ZNF701: variants seen among roughly 807,000 people sequenced by gnomAD.
The protein encoded by ZNF701 is zinc finger protein 701.
Under a neutral mutation model 7.1 loss-of-function variants are expected in ZNF701, and 6 were observed. That is an observed-to-expected ratio of 0.84 (90% CI 0.46 to 1.66). The LOEUF (loss-of-function observed/expected upper bound fraction) is 1.66. ZNF701 is among the 40% of genes most tolerant of loss of function. The probability of loss-of-function intolerance (pLI) is 0.01; values close to 1 mark genes in which losing one functional copy is unlikely to be tolerated. For synonymous variants in ZNF701, 166 were observed against 188.2 expected (o/e 0.88, Z 0.97); for missense variants, 541 against 559.2 (o/e 0.97, Z 0.33).
At position 52,584,792 on chromosome 19, in the gene ZNF701, T is replaced by C. The variant is rs1210311724; in HGVS notation, c.*1335T>C. ...CATTGTGCAAATCCACTGAATGTGT[T>C]GATTAGTTCCAGTAGTATTTTGGTT... On this transcript the variant is annotated 3_prime_UTR_variant, in exon 4 of 4. Coordinates refer to ENST00000391785, the MANE Select transcript of ZNF701 (RefSeq NM_018260.3). The C allele has an allele frequency of 2.0e-5, 3 of 152,352 alleles. No individual in the cohort carries two copies. The East Asian group carries it at 5.8e-4, about 29-fold the overall frequency. 9.4% of individuals were successfully genotyped at this position (152,352 alleles called of 1,614,324 possible).
At chr19:52,574,688 C>T (rs2059921835) in intron 2 of ZNF701, among the ~76,000 whole-genome samples, 1 of 152,082 alleles carries the variant, frequency 6.6e-6, no homozygotes, top group Admixed American at 6.5e-5. Context: ...AGTTCATAAA[C>T]AGACATGAAT....
Position 52,575,757 on chromosome 19 carries a change from T to G in ZNF701, c.16-138T>G, listed in dbSNP as rs770524906. On this transcript the variant is annotated intron_variant, in intron 2 of 3. Coordinates refer to ENST00000391785, the MANE Select transcript of ZNF701 (RefSeq NM_018260.3). ...CAAACACCACTGGGAAGACATCATG[T>G]GGTGAAGAATCCCTTACTTGGATTT... The G allele has an allele frequency of 4.9e-4, 294 of 600,742 alleles. 3 individuals carry two copies. Among genetic ancestry groups the G allele is most frequent in the Non-Finnish European group, 9.3e-5 (34 of 364,022 alleles). The allele number at this position is 600,742 out of a possible 1,614,324, so 37.2% of individuals were successfully genotyped here.
At chr19:52,572,601 A>G (rs2059908206) in intron 1 of ZNF701, 1 of 349,958 alleles carries the variant, frequency 2.9e-6, no homozygotes, top group Non-Finnish European at 5.5e-6. Flanking sequence ...CTTTTCACTC[A>G]TCTCAGACCT....
At chr19:52,575,525 G>C (rs1200614755) in intron 2 of ZNF701, among the ~76,000 whole-genome samples, 1 of 151,294 alleles carries the variant, frequency 6.6e-6, no homozygotes, top group Non-Finnish European at 1.5e-5. Flanking sequence ...TTTTGAGAGA[G>C]AGTCTTGCTT....
At chr19:52,572,078 T>C (rs561977374) in intron 1 of ZNF701, among the ~76,000 whole-genome samples, 2 of 151,868 alleles carry the variant, frequency 1.3e-5, no homozygotes, top group East Asian at 3.9e-4. Flanking sequence ...CCACCTCGGC[T>C]TCCCAAAGTG....
intron 3 of ZNF701, 22 bp from the exon 4 acceptor site, chr19:52,582,180 T>G (rs1348498990): frequency 6.5e-7 from 1 of 1,543,346 alleles, no homozygotes; most frequent in Non-Finnish European, 8.7e-7. Context: ...ATTTGAAACC[T>G]ATTTGTGTTT....
chr19:52,572,137 T>A (rs1239168261), intron 1 of ZNF701: 1 of 308,250 alleles, frequency 3.2e-6, no homozygotes, highest in Non-Finnish European at 6.4e-6. Context: ...CACCACCACC[T>A]TTACCTCCCG....
downstream of ZNF701, chr19:52,588,541 C>T (rs1460427411): frequency 5.8e-6 from 2 of 346,348 alleles, no homozygotes; most frequent in Non-Finnish European, 1.1e-5. Context: ...GGATTGATTT[C>T]CAAAGACTCA....
rs2060015256 is a variant in ZNF701 at position 52,586,824 on chromosome 19, G to A, written c.*3367G>A. 6.6e-6 allele frequency: 1 copy of A among 152,098 alleles called. No individual in the cohort carries two copies. The highest frequency in any genetic ancestry group is 2.4e-5 in the African/African-American group (1 of 41,408). The allele number at this position is 152,098 out of a possible 1,614,324, so 9.4% of individuals were successfully genotyped here. On this transcript the variant is annotated 3_prime_UTR_variant, in exon 4 of 4. Coordinates refer to ENST00000391785, the MANE Select transcript of ZNF701 (RefSeq NM_018260.3). ...TTCCTGTAGGACAGGGAGGTATTTA[G>A]TTGTAGTTTGAACTTTAAAGGATTC...
the ZNF701 span, among the ~76,000 whole-genome samples, chr19:52,593,838 A>G: frequency 7.0e-4 from 68 of 97,634 alleles, 4 homozygotes; most frequent in African/African-American, 2.0e-3. Flanking sequence ...TCCAGACTGG[A>G]CAGCCAGGCA....
In ZNF701 at chr19:52,586,252, G is replaced by C. The variant is rs947051610; in HGVS notation, c.*2795G>C. 4.6e-5 allele frequency: 7 copies of C among 152,140 alleles called. No individual in the cohort carries two copies. The highest frequency in any genetic ancestry group is 1.3e-4 in the Admixed American group (2 of 15,270). The allele number at this position is 152,140 out of a possible 1,614,324, so 9.4% of individuals were successfully genotyped here. On this transcript the variant is annotated 3_prime_UTR_variant, in exon 4 of 4. Transcript: ENST00000391785. ...AGACCGGGTTTTGCCTTGTTGTCTA[G>C]GTTGGGCTCCAACTGCAGGGCTAAA...
chr19:52,576,513 C>G (rs1299083944), intron 3 of ZNF701, among the ~76,000 whole-genome samples: 1 of 152,104 alleles, frequency 6.6e-6, no homozygotes, highest in East Asian at 1.9e-4. Flanking sequence ...GGACTCCAGC[C>G]TGGGCAACAG....
In ZNF701 at chr19:52,582,383, C is replaced by T. The variant is rs545805699; in HGVS notation, c.324C>T (p.Gly108=). 1.2e-6 allele frequency: 2 copies of T among 1,613,448 alleles called. No homozygotes were observed. The highest frequency in any genetic ancestry group is 2.2e-5 in the East Asian group (1 of 44,882). The change falls in exon 4 of 4, where the codon GGC becomes GGT. Residue 108 remains glycine, a synonymous_variant. Transcript: ENST00000391785. The part of the protein sequence containing the change: ...VFQWQENETN[G]HEALMTKTKK... Reference sequence around the variant, plus strand: ...AGTGGCAAGAAAATGAAACAAATGGCCATGAAGCACTCATGACAAAAACCA... The same window carrying T: ...AGTGGCAAGAAAATGAAACAAATGGTCATGAAGCACTCATGACAAAAACCA...
chr19:52,572,146 C>T (rs1417472377), intron 1 of ZNF701: 5 of 299,714 alleles, frequency 1.7e-5, no homozygotes, highest in Admixed American at 4.8e-5. Context: ...CTTTACCTCC[C>T]GGTTTTAAGC....
intron 3 of ZNF701, among the ~76,000 whole-genome samples, chr19:52,578,875 A>G (rs891159653): frequency 1.3e-5 from 2 of 151,978 alleles, no homozygotes; most frequent in Non-Finnish European, 1.5e-5. Context: ...CTCCTGCCTC[A>G]GCCTCCCGAG....
chr19:52,595,580 A>G, the ZNF701 span: 6 of 899,440 alleles, frequency 6.7e-6, no homozygotes, highest in East Asian at 1.8e-4. Context: ...TACCATCTGT[A>G]CTTAATTGGA....
downstream of ZNF701, among the ~76,000 whole-genome samples, chr19:52,590,916 T>C (rs1165063186): frequency 6.6e-6 from 1 of 152,086 alleles, no homozygotes; most frequent in East Asian, 1.9e-4. Context: ...CTAGGCTCAC[T>C]TCAACCTCCA....
rs2060000955 is a variant in ZNF701 at position 52,585,082 on chromosome 19, TG to T, written c.*1628del. ...CTCAGAGCAAATTGAGACGTCCGGG[TG>T]GGAGTCCGTGAGTCTTTTCCTTTTG... On this transcript the variant is annotated 3_prime_UTR_variant, in exon 4 of 4. Transcript: ENST00000391785. 2 of 151,788 alleles carry T rather than the reference TG, an allele frequency of 1.3e-5. No individual in the cohort carries two copies. The highest frequency in any genetic ancestry group is 1.3e-4 in the Admixed American group (2 of 15,202). The allele number at this position is 151,788 out of a possible 1,614,324, so 9.4% of individuals were successfully genotyped here.
intron 2 of ZNF701, 44 bp from the exon 3 acceptor site, chr19:52,575,851 A>G: frequency 8.0e-7 from 1 of 1,243,250 alleles, no homozygotes; most frequent in Non-Finnish European, 1.1e-6. Flanking sequence ...TAAAGATAAG[A>G]TCTCCTCCCA....
Sources: gnomAD v4.1 joint callset for allele counts (sites outside exome capture counted in the v4.1 genomes callset) on GRCh38, gnomAD v4.1.1 for gene constraint, MANE v1.5 for transcripts, NCBI Gene and HGNC (gene_info 2026-07-23, HGNC 2026-07-21) for gene names.